Variants in RGS22 observed in about 807,000 individuals in gnomAD.
RGS22 encodes the protein regulator of G protein signaling 22.
A neutral mutation model predicts 172.9 loss-of-function variants in RGS22; 148 were observed. That is an observed-to-expected ratio of 0.86 (90% confidence interval 0.75 to 0.98). The LOEUF (loss-of-function observed/expected upper bound fraction) is 0.98, where lower values mean the gene tolerates loss of function less well. Among genes scored for constraint, RGS22 ranks in the 50% least tolerant of loss-of-function variants. The probability of loss-of-function intolerance (pLI) is 0.00; values close to 1 mark genes in which losing one functional copy is unlikely to be tolerated. For synonymous variants in RGS22, 458 were observed against 480.2 expected (o/e 0.95, Z 0.60); for missense variants, 1,347 against 1,440.8 (o/e 0.93, Z 1.05).
intron 10 of RGS22, among the ~76,000 whole-genome samples, chr8:100,048,102 A>G (rs1820922967): frequency 6.6e-6 from 1 of 152,108 alleles, no homozygotes; most frequent in Admixed American, 6.6e-5. Flanking sequence ...TATTTTTCCC[A>G]TTCTTAGAGT....
chr8:100,100,206 CTA>C (rs913838254), intron 2 of RGS22, among the ~76,000 whole-genome samples: 24 of 152,138 alleles, frequency 1.6e-4, no homozygotes, highest in Non-Finnish European at 3.2e-4. Flanking sequence ...TAAATCAACT[CTA>C]GATTTCTTAC....
At chr8:100,084,289 C>T (rs755352615) in intron 3 of RGS22, among the ~76,000 whole-genome samples, 16 of 152,154 alleles carry the variant, frequency 1.1e-4, no homozygotes, top group Non-Finnish European at 2.1e-4. Context: ...GGTTGTGCTA[C>T]TCGTATGCAC....
chr8:100,021,652 G>T (rs1817611707), intron 14 of RGS22, among the ~76,000 whole-genome samples: 2 of 151,946 alleles, frequency 1.3e-5, no homozygotes, highest in South Asian at 4.2e-4. Flanking sequence ...CAACAACAAA[G>T]AAACCATATT....
Position 100,008,529 on chromosome 8 carries a change from T to C in RGS22, c.2207A>G (p.Asp736Gly), listed in dbSNP as rs542158807. Residue 736 changes from aspartate to glycine, a missense_variant, in exon 15 of 28, where the codon GAC becomes GGC. Coordinates refer to ENST00000360863, the MANE Select transcript of RGS22 (RefSeq NM_015668.5). ...ATYVAPSATL[D>G]IGLQQEKKKE... ...TTTCTTTTCCTGTTGGAGTCCAATG[T>C]CAAGAGTGGCAGAAGGAGCAACGTA... 1 of 1,611,756 alleles carries C rather than the reference T, an allele frequency of 6.2e-7. No individual in the cohort carries two copies. The highest frequency in any genetic ancestry group is 2.2e-5 in the East Asian group (1 of 44,838).
chr8:100,032,410 G>C (rs10283049), intron 14 of RGS22, among the ~76,000 whole-genome samples: 3 of 151,516 alleles, frequency 2.0e-5, no homozygotes, highest in African/African-American at 7.3e-5. Flanking sequence ...AAGATCAAAA[G>C]AGACAAAGAA....
chr8:100,042,286 T>A (rs1405056200), intron 11 of RGS22, among the ~76,000 whole-genome samples: 4 of 152,098 alleles, frequency 2.6e-5, no homozygotes, highest in East Asian at 3.8e-4. Flanking sequence ...ATTAAAAAAA[T>A]TTTAATGTGT....
intron 17 of RGS22, among the ~76,000 whole-genome samples, chr8:100,003,316 T>A (rs1174381626): frequency 6.6e-6 from 1 of 151,644 alleles, no homozygotes; most frequent in East Asian, 1.9e-4. Flanking sequence ...TTAAAAAAAT[T>A]AATAAATAAA....
chr8:100,019,189 A>T (rs531558224), intron 14 of RGS22, among the ~76,000 whole-genome samples: 51 of 152,332 alleles, frequency 3.3e-4, no homozygotes, highest in African/African-American at 1.1e-3. Context: ...GGGCCATTTG[A>T]TGAGCTACAG....
chr8:100,052,873 G>T lies in RGS22; in HGVS notation c.1618C>A (p.Pro540Thr), dbSNP rs754676646. 6.2e-7 allele frequency: 1 copy of T among 1,614,034 alleles called. No individual in the cohort carries two copies. The highest frequency in any genetic ancestry group is 8.5e-7 in the Non-Finnish European group (1 of 1,179,984). The change falls in exon 10 of 28, where the codon CCT (proline) becomes ACT (threonine). Residue 540 changes from proline to threonine, a missense_variant. By Grantham distance (38) the Pro-to-Thr change is conservative. Transcript: ENST00000360863. ...AAGAGGGTTGCCATTTGTGGAAAAG[G>T]GTCAATATCCTTCCTTGGTTTTGCT... ...RQAKPRKDIDPFPQMATLLPL... is the reference protein window; with the variant it reads ...RQAKPRKDIDTFPQMATLLPL...
intron 4 of RGS22, 104 bp downstream of exon 4, chr8:100,080,030 T>C: frequency 1.3e-6 from 1 of 791,168 alleles, no homozygotes; most frequent in Non-Finnish European, 2.1e-6. Context: ...CAACACAAGC[T>C]AATAAATGTA....
chr8:100,006,098 C>T lies in RGS22; in HGVS notation c.2373G>A (p.Val791=). ...TGGAGTCTAACTGTCGAGTTTCTTC[C>T]ACCAGCTCCACCTAAAAAAAATAAA... is the stretch of plus-strand genomic sequence containing the variant. The part of the protein sequence containing the change: ...DQIAYKKVEL[V]EETRQLDSTY... Residue 791 remains valine (V), a synonymous_variant, in exon 16 of 28, where the codon GTG becomes GTA. Transcript: ENST00000360863. The T allele has an allele frequency of 1.2e-6, 2 of 1,611,576 alleles. No homozygotes were observed. Among genetic ancestry groups the T allele is most frequent in the Non-Finnish European group, 8.5e-7 (1 of 1,178,622 alleles).
intron 2 of RGS22, among the ~76,000 whole-genome samples, chr8:100,098,862 ATTTATTTTAT>A (rs1205135976): frequency 0.081 from 4,395 of 54,398 alleles, 143 homozygotes; most frequent in South Asian, 0.12. Flanking sequence ...TTATTATTTT[ATTTATTTTAT>A]TTTATTTTAT....
chr8:99,965,557 A>G (rs1045399610), intron 23 of RGS22, 127 bp from the exon 24 acceptor site: 1 of 585,104 alleles, frequency 1.7e-6, no homozygotes, highest in African/African-American at 1.9e-5. Flanking sequence ...TTAAGGTTTC[A>G]TCAAGTCAAT....
At chr8:100,005,544 C>T (rs1815597144) in intron 16 of RGS22, among the ~76,000 whole-genome samples, 1 of 152,154 alleles carries the variant, frequency 6.6e-6, no homozygotes, top group South Asian at 2.1e-4. Flanking sequence ...CTTTAATATC[C>T]TAATCAATCC....
chr8:99,963,000 G>C, intron 24 of RGS22, 22 bp from the exon 25 acceptor site: 1 of 1,536,470 alleles, frequency 6.5e-7, no homozygotes, highest in Non-Finnish European at 8.7e-7. Flanking sequence ...AATTTTCAAA[G>C]TTAATTCTGA....
At chr8:100,102,947 C>CACAGTTAACA (rs1813616009) in intron 2 of RGS22, among the ~76,000 whole-genome samples, 1 of 152,208 alleles carries the variant, frequency 6.6e-6, no homozygotes, top group Admixed American at 6.5e-5. Context: ...GTTAGTTAAC[C>CACAGTTAACA]ACTGTGAACT....
chr8:100,050,958 A>C (rs1224929301), intron 10 of RGS22: 1 of 152,214 alleles, frequency 6.6e-6, no homozygotes, highest in Non-Finnish European at 1.5e-5. Context: ...TAGATAAATC[A>C]CATGGTAATA....
At chr8:100,052,646 CAG>C (rs1821795897) in intron 10 of RGS22, among the ~76,000 whole-genome samples, 154 bp downstream of exon 10, 1 of 152,118 alleles carries the variant, frequency 6.6e-6, no homozygotes, top group African/African-American at 2.4e-5. Flanking sequence ...TGGTAGAGAA[CAG>C]ACTGTAGGTT....
At chr8:100,039,298 A>T (rs16897894) in intron 13 of RGS22, among the ~76,000 whole-genome samples, 1,817 of 152,210 alleles carry the variant, frequency 0.012, 31 homozygotes, top group African/African-American at 0.038. Context: ...GTTAAAGAGT[A>T]GCCATGTATT....
Sources: allele counts gnomAD v4.1 joint callset (sites outside exome capture counted in the v4.1 genomes callset), GRCh38; gene constraint gnomAD v4.1.1; transcripts MANE v1.5; gene names NCBI Gene and HGNC (gene_info 2026-07-23, HGNC 2026-07-21).